ZNF385D: variants seen among roughly 807,000 people sequenced by gnomAD.
ZNF385D encodes the protein zinc finger protein 385D, also known as zinc finger protein 659.
In ZNF385D, 15 loss-of-function variants were observed where a neutral mutation model predicts 35.8. The observed-to-expected ratio is 0.42, with a 90% CI of 0.28 to 0.64. The LOEUF is 0.64. Ranked by LOEUF, ZNF385D falls within the 30% of genes least tolerant of loss-of-function variation. ZNF385D has a pLI of 0.23. For missense variants in ZNF385D, 474 were observed against 494.6 expected (o/e 0.96, Z 0.39); for synonymous variants, 212 against 186.8 (o/e 1.13, Z -1.10).
Position 21,643,674 on chromosome 3 carries a change from A to T in ZNF385D, c.165+21212T>A, listed in dbSNP as rs116081937. On this transcript the variant is annotated intron_variant, in intron 2 of 7. Coordinates refer to ENST00000281523, the MANE Select transcript of ZNF385D (RefSeq NM_024697.3). ...AGAGATCCCTTTCAGTGTTCCAGAT[A>T]TTTAGAGTGTCATGGGAGGAATGAC... 6.3e-3 allele frequency among the ~76,000 whole-genome samples: 955 copies of T among 152,136 alleles called. 9 individuals carry two copies. Among genetic ancestry groups the T allele is most frequent in the African/African-American group, 0.021 (881 of 41,512 alleles).
chr3:22,039,851 A>T (rs1576207439), intron 3 of ZNF385D, among the ~76,000 whole-genome samples: 2 of 151,638 alleles, frequency 1.3e-5, no homozygotes, highest in South Asian at 4.2e-4. Context: ...ATCCTTTTCC[A>T]CCCTTTTCTA....
At chr3:22,083,978 A>G (rs1237968154) in intron 3 of ZNF385D, among the ~76,000 whole-genome samples, 1 of 152,184 alleles carries the variant, frequency 6.6e-6, no homozygotes, top group African/African-American at 2.4e-5. Context: ...TATCCAGCCA[A>G]ACTAAGCTTC....
intron 1 of ZNF385D, among the ~76,000 whole-genome samples, chr3:21,745,361 G>A (rs1339005571): frequency 1.3e-5 from 2 of 152,178 alleles, no homozygotes; most frequent in Non-Finnish European, 2.9e-5. Context: ...ATATGCATTT[G>A]AGGTTTTGGA....
chr3:22,203,561 A>C (rs1696948661), intron 2 of ZNF385D, among the ~76,000 whole-genome samples: 1 of 152,126 alleles, frequency 6.6e-6, no homozygotes. Context: ...TGGGATCTGC[A>C]GTTCTAGGCC....
At chr3:21,824,728 C>T (rs972921925) in intron 3 of ZNF385D, among the ~76,000 whole-genome samples, 3 of 151,634 alleles carry the variant, frequency 2.0e-5, no homozygotes, top group Non-Finnish European at 4.4e-5. Flanking sequence ...TACTGGAGTT[C>T]CAGTATGAAA....
chr3:22,216,260 G>T (rs1183954355), intron 2 of ZNF385D, among the ~76,000 whole-genome samples: 3 of 151,696 alleles, frequency 2.0e-5, no homozygotes, highest in Non-Finnish European at 2.9e-5. Context: ...TAAATGTTTT[G>T]ATTTAAAATT....
rs1037890861 is a variant in ZNF385D at position 21,869,826 on chromosome 3, T to C, written c.326-204798A>G. 6.6e-5 allele frequency among the ~76,000 whole-genome samples: 10 copies of C among 152,256 alleles called. No individual in the cohort carries two copies. In the South Asian group the frequency reaches 2.1e-3, roughly 32 times the overall value. The stretch of plus-strand genomic sequence containing the variant: ...TAAGATAGCATTTAAATAAGCTTCT[T>C]GCAAAAGTGGTATTAGAAGTAGTTC... On this transcript the variant is annotated intron_variant, in intron 3 of 5. Transcript: ENST00000494108.
intron 2 of ZNF385D, among the ~76,000 whole-genome samples, chr3:22,359,329 A>C (rs756339791): frequency 3.3e-5 from 5 of 151,848 alleles, no homozygotes; most frequent in African/African-American, 4.8e-5. Flanking sequence ...CACCTAAAAA[A>C]TGAGCAGGTG....
intron 2 of ZNF385D, among the ~76,000 whole-genome samples, chr3:22,326,621 T>C (rs942346345): frequency 6.6e-6 from 1 of 152,130 alleles, no homozygotes; most frequent in Non-Finnish European, 1.5e-5. Flanking sequence ...AGCATCTGTC[T>C]CAGGTGGGTG....
chr3:22,025,707 G>C (rs1697497417), intron 3 of ZNF385D, among the ~76,000 whole-genome samples: 1 of 152,150 alleles, frequency 6.6e-6, no homozygotes, highest in Non-Finnish European at 1.5e-5. Context: ...TAATGTAGAG[G>C]AAGGGATCCA....
chr3:22,170,898 G>A (rs903760014), intron 2 of ZNF385D, among the ~76,000 whole-genome samples: 3 of 151,992 alleles, frequency 2.0e-5, no homozygotes, highest in African/African-American at 4.8e-5. Context: ...AAGCAGATCA[G>A]GAAAGTTTTA....
intron 3 of ZNF385D, among the ~76,000 whole-genome samples, chr3:21,919,784 G>A (rs1700364175): frequency 6.6e-6 from 1 of 152,170 alleles, no homozygotes; most frequent in Admixed American, 6.5e-5. Context: ...ATATTTTTAA[G>A]AAACTTTTCT....
At chr3:21,786,665 A>C (rs1404948962) in intron 3 of ZNF385D, among the ~76,000 whole-genome samples, 1 of 152,228 alleles carries the variant, frequency 6.6e-6, no homozygotes, top group Non-Finnish European at 1.5e-5. Context: ...GTGGTGACAG[A>C]ATAATAAGGC....
At position 22,105,017 on chromosome 3, in the gene ZNF385D, C is replaced by A. The variant is rs542463708; in HGVS notation, c.325+63800G>T. Among the ~76,000 whole-genome samples the A allele has an allele frequency of 5.7e-4, 87 of 152,228 alleles. 1 individual carries two copies. The highest frequency in any genetic ancestry group is 2.0e-3 in the African/African-American group (83 of 41,554). On this transcript the variant is annotated intron_variant, in intron 3 of 5. Coordinates refer to the ZNF385D transcript ENST00000494108. ...ATGAAAGGAGTTTAGAAGATTAAAACTGCTAACATGTTTAAAATTAAACAC... is the reference window on the plus strand; with the variant it reads ...ATGAAAGGAGTTTAGAAGATTAAAAATGCTAACATGTTTAAAATTAAACAC...
At chr3:21,963,287 G>C (rs1247142608) in intron 3 of ZNF385D, among the ~76,000 whole-genome samples, 1 of 152,152 alleles carries the variant, frequency 6.6e-6, no homozygotes, top group Non-Finnish European at 1.5e-5. Flanking sequence ...GTCTATGTGA[G>C]GGTGTGTTCG....
chr3:21,589,481 G>C (rs1184593977), intron 2 of ZNF385D, among the ~76,000 whole-genome samples: 1 of 152,114 alleles, frequency 6.6e-6, no homozygotes, highest in African/African-American at 2.4e-5. Context: ...CCTTATAAGA[G>C]TGAAGAAAAA....
At chr3:22,310,366 A>G (rs938842839) in intron 2 of ZNF385D, among the ~76,000 whole-genome samples, 24 of 152,148 alleles carry the variant, frequency 1.6e-4, no homozygotes, top group Admixed American at 5.9e-4. Context: ...TAACTTTTAC[A>G]TGATAACTCT....
intron 3 of ZNF385D, among the ~76,000 whole-genome samples, chr3:22,063,462 A>ATTCAATAGATT (rs1699787571): frequency 6.6e-6 from 1 of 152,354 alleles, no homozygotes; most frequent in Admixed American, 6.5e-5. Flanking sequence ...TATTTAGAAT[A>ATTCAATAGATT]TTCAATAGAT....
Position 21,969,756 on chromosome 3 carries a change from T to G in ZNF385D, c.325+199061A>C, listed in dbSNP as rs1159552437. ...ACCATAGGCCTTGGGCAGGACTCAC[T>G]GCTATGCTGGCTTTGGGTCTGACTC... On this transcript the variant is annotated intron_variant, in intron 3 of 5. Transcript: ENST00000494108. Among the ~76,000 whole-genome samples the G allele has an allele frequency of 2.0e-5, 3 of 151,892 alleles. No individual in the cohort carries two copies. The South Asian group carries it at 6.3e-4, about 32-fold the overall frequency.
Sources: allele counts gnomAD v4.1 joint callset (sites outside exome capture counted in the v4.1 genomes callset), GRCh38; gene constraint gnomAD v4.1.1; transcripts MANE v1.5; gene names NCBI Gene and HGNC (gene_info 2026-07-23, HGNC 2026-07-21).